ZNF165: variants seen among roughly 807,000 people sequenced by gnomAD.
ZNF165 encodes cancer/testis antigen 53.
ZNF165 carries 14 observed loss-of-function variants against 19.6 expected under a neutral mutation model. The observed-to-expected ratio is 0.71, with a 90% CI of 0.47 to 1.12. The LOEUF is 1.12. Ranked by LOEUF, ZNF165 falls within the 50% of genes most tolerant of loss-of-function variation. The pLI is 0.00. For synonymous variants in ZNF165, 165 were observed against 195.0 expected, an observed-to-expected ratio of 0.85 and a Z score of 1.28; for missense variants, 504 against 566.3, an observed-to-expected ratio of 0.89 and a Z score of 1.12.
intron 1 of ZNF165, among the ~76,000 whole-genome samples, chr6:28,084,590 C>CA (rs1764227171): frequency 6.6e-6 from 1 of 151,978 alleles, no homozygotes; most frequent in South Asian, 2.1e-4. Flanking sequence ...ACCTGGGAGG[C>CA]GGAGGTTGCA....
intron 1 of ZNF165, among the ~76,000 whole-genome samples, chr6:28,081,989 T>C (rs1329869070): frequency 6.6e-6 from 1 of 152,216 alleles, no homozygotes. Context: ...ATGGGCCTAC[T>C]TTACACCCAT....
chr6:28,086,340 T>A, intron 3 of ZNF165, 30 bp downstream of exon 3: 1 of 1,585,698 alleles, frequency 6.3e-7, no homozygotes, highest in Non-Finnish European at 8.6e-7. Context: ...ATAGTGCACA[T>A]CACTAAAGAA....
In ZNF165 at chr6:28,089,120, A is replaced by G. The variant is rs746888023; in HGVS notation, c.1108A>G (p.Arg370Gly). The change falls in exon 4 of 4, where the codon AGA (arginine) becomes GGA (glycine). Residue 370 changes from arginine (R) to glycine (G), a missense_variant. Physicochemically the swap from Arg to Gly is moderately radical, Grantham distance 125. Coordinates refer to ENST00000683778, the MANE Select transcript of ZNF165 (RefSeq NM_001376491.1). Reference protein sequence around the residue: ...ARHQRIHTGERCYECNECGKS... With the variant: ...ARHQRIHTGEGCYECNECGKS... ...GCATCAGAGAATCCACACTGGAGAG[A>G]GATGCTATGAATGTAATGAATGTGG... is the stretch of plus-strand genomic sequence containing the variant. 2 of 1,614,210 alleles carry G rather than the reference A, an allele frequency of 1.2e-6. No individual in the cohort carries two copies. The highest frequency in any genetic ancestry group is 1.7e-6 in the Non-Finnish European group (2 of 1,180,014).
intron 1 of ZNF165, among the ~76,000 whole-genome samples, chr6:28,082,231 A>G (rs9393885): frequency 6.6e-6 from 1 of 151,604 alleles, no homozygotes; most frequent in Non-Finnish European, 1.5e-5. Flanking sequence ...GTCTGAACCT[A>G]GTGATATTTA....
At position 28,089,030 on chromosome 6, in the gene ZNF165, G is replaced by A. The variant is rs1444159605; in HGVS notation, c.1018G>A (p.Gly340Arg). Reference sequence around the variant, plus strand: ...TGCTAAACATGCAGCAGTTTTCAGTGGAGATAAAACTCATCAGTGTAATGA... The same window carrying A: ...TGCTAAACATGCAGCAGTTTTCAGTAGAGATAAAACTCATCAGTGTAATGA... The part of the protein sequence containing the change: ...KLAKHAAVFS[G>R]DKTHQCNECG... Residue 340 changes from glycine (G) to arginine (R), a missense_variant, in exon 4 of 4, where the codon GGA (glycine) becomes AGA (arginine). Transcript: ENST00000683778. 3.1e-6 allele frequency: 5 copies of A among 1,614,050 alleles called. No homozygotes were observed. Among genetic ancestry groups the A allele is most frequent in the East Asian group, 2.2e-5 (1 of 44,896 alleles).
chr6:28,083,170 G>C (rs1183753731), intron 1 of ZNF165, among the ~76,000 whole-genome samples: 3 of 152,160 alleles, frequency 2.0e-5, no homozygotes, highest in Non-Finnish European at 4.4e-5. Flanking sequence ...TCAGTCTGCT[G>C]CTCATTCCTA....
intron 1 of ZNF165, among the ~76,000 whole-genome samples, chr6:28,082,142 ACT>A (rs1242285402): frequency 6.6e-6 from 1 of 152,204 alleles, no homozygotes; most frequent in Non-Finnish European, 1.5e-5. Context: ...ATACCATGGA[ACT>A]AACCCCCCTT....
chr6:28,081,917 C>T (rs1764165158), intron 1 of ZNF165, among the ~76,000 whole-genome samples: 1 of 152,188 alleles, frequency 6.6e-6, no homozygotes, highest in Non-Finnish European at 1.5e-5. Flanking sequence ...ATAGTACTGT[C>T]AGCTGAGATA....
intron 3 of ZNF165, 58 bp from the exon 4 acceptor site, chr6:28,088,505 A>G: frequency 1.7e-5 from 25 of 1,445,426 alleles, no homozygotes; most frequent in Non-Finnish European, 2.3e-5. Context: ...TGAGCATGCT[A>G]TAAAATTTTC....
chr6:28,086,676 T>C (rs1764284363), intron 3 of ZNF165, among the ~76,000 whole-genome samples: 1 of 151,686 alleles, frequency 6.6e-6, no homozygotes, highest in African/African-American at 2.4e-5. Context: ...GCCACTGCAC[T>C]CCAGCCTGGG....
rs1368340643 is a variant in ZNF165, at chr6:28,089,095, G to A, written c.1083G>A (p.Arg361=). ...KAFRHSSKLA[R]HQRIHTGERC... The stretch of plus-strand genomic sequence containing the variant: ...TCAGGCACAGCTCAAAACTTGCTAG[G>A]CATCAGAGAATCCACACTGGAGAGA... The change falls in exon 4 of 4, where the codon AGG becomes AGA. Residue 361 remains arginine, a synonymous_variant. Transcript: ENST00000683778. The A allele has an allele frequency of 3.1e-6, 5 of 1,613,992 alleles. No individual in the cohort carries two copies. The highest frequency in any genetic ancestry group is 4.2e-6 in the Non-Finnish European group (5 of 1,179,978).
chr6:28,087,490 C>T (rs1313785397), intron 3 of ZNF165, among the ~76,000 whole-genome samples: 1 of 152,190 alleles, frequency 6.6e-6, no homozygotes, highest in African/African-American at 2.4e-5. Flanking sequence ...GTGATCCGCC[C>T]GCCTTGGCCT....
chr6:28,087,371 G>A (rs1764300496), intron 3 of ZNF165, among the ~76,000 whole-genome samples: 1 of 152,040 alleles, frequency 6.6e-6, no homozygotes, highest in Non-Finnish European at 1.5e-5. Flanking sequence ...TCAGCCTCCC[G>A]AGTAGCTGAG....
chr6:28,086,336 C>T lies in ZNF165; in HGVS notation c.550+26C>T, dbSNP rs1469949870. ...GTGAGGGGCAGAATGCCATATAGTG[C>T]ACATCACTAAAGAAACAGGGGAATG... On this transcript the variant is annotated intron_variant, in intron 3 of 3. Transcript: ENST00000683778. 3 of 1,594,982 alleles carry T rather than the reference C, an allele frequency of 1.9e-6. No homozygotes were observed. In the East Asian group the frequency reaches 6.7e-5, roughly 36 times the overall value.
In ZNF165 at chr6:28,086,223, C is replaced by T; in HGVS notation, c.463C>T (p.Pro155Ser). Residue 155 changes from proline to serine, a missense_variant, in exon 3 of 4, where the codon CCT (proline) becomes TCT (serine). Transcript: ENST00000683778. ...AATATTCCAGAAAAAAGTGTCACCT[C>T]CTGGACCAGCACTTAATGTCAAGTT... ...QEIFQKKVSP[P>S]GPALNVKLQP... 2 of 1,614,214 alleles carry T rather than the reference C, an allele frequency of 1.2e-6. No individual in the cohort carries two copies. The highest frequency in any genetic ancestry group is 1.7e-6 in the Non-Finnish European group (2 of 1,180,040).
upstream of ZNF165, among the ~76,000 whole-genome samples, chr6:28,080,399 A>G (rs1764124593): frequency 6.6e-6 from 1 of 151,782 alleles, no homozygotes; most frequent in South Asian, 2.1e-4. Flanking sequence ...TTTTTCTGAG[A>G]CTGAGTCTCA....
chr6:28,089,119 G>A lies in ZNF165; in HGVS notation c.1107G>A (p.Glu369=), dbSNP rs2113689888. The change falls in exon 4 of 4, where the codon GAG becomes GAA. Residue 369 remains glutamate, a synonymous_variant. Coordinates refer to ENST00000683778, the MANE Select transcript of ZNF165 (RefSeq NM_001376491.1). Reference sequence around the variant, plus strand: ...GGCATCAGAGAATCCACACTGGAGAGAGATGCTATGAATGTAATGAATGTG... The same window carrying A: ...GGCATCAGAGAATCCACACTGGAGAAAGATGCTATGAATGTAATGAATGTG... ...LARHQRIHTG[E]RCYECNECGK... 1 of 1,614,164 alleles carries A rather than the reference G, an allele frequency of 6.2e-7. No individual in the cohort carries two copies.
intron 3 of ZNF165, 63 bp downstream of exon 3, chr6:28,086,373 A>G: frequency 3.2e-6 from 5 of 1,555,612 alleles, no homozygotes; most frequent in Non-Finnish European, 4.3e-6. Flanking sequence ...ATCTCCCTCC[A>G]CAAACTAGTC....
In ZNF165 at chr6:28,089,057, T is replaced by A. The variant is rs1382688660; in HGVS notation, c.1045T>A (p.Cys349Ser). ...SGDKTHQCNE[C>S]GKAFRHSSKL... Reference sequence around the variant, plus strand: ...AGATAAAACTCATCAGTGTAATGAATGTGGGAAAGCTTTCAGGCACAGCTC... The same window carrying A: ...AGATAAAACTCATCAGTGTAATGAAAGTGGGAAAGCTTTCAGGCACAGCTC... The change falls in exon 4 of 4, where the codon TGT becomes AGT. Residue 349 changes from cysteine to serine, a missense_variant. By Grantham distance (112) the Cys-to-Ser change is moderately radical. Coordinates refer to ENST00000683778, the MANE Select transcript of ZNF165 (RefSeq NM_001376491.1). 1 of 1,614,180 alleles carries A rather than the reference T, an allele frequency of 6.2e-7. No individual in the cohort carries two copies. Among genetic ancestry groups the A allele is most frequent in the Admixed American group, 1.7e-5 (1 of 60,026 alleles).
Sources: gnomAD v4.1 joint callset for allele counts (sites outside exome capture counted in the v4.1 genomes callset) on GRCh38, gnomAD v4.1.1 for gene constraint, MANE v1.5 for transcripts, NCBI Gene and HGNC (gene_info 2026-07-23, HGNC 2026-07-21) for gene names.